The following NEGR1 variants were observed in gnomAD, a reference collection of about 807,000 sequenced individuals.
NEGR1 encodes the protein IgLON family member 4.
Under a neutral mutation model 40.9 loss-of-function variants are expected in NEGR1, and 10 were observed. That is an observed-to-expected ratio of 0.24 (90% CI 0.15 to 0.42). The LOEUF (loss-of-function observed/expected upper bound fraction) is 0.42. Ranked by LOEUF, NEGR1 falls within the 10% of genes least tolerant of loss-of-function variation. The pLI is 1.00. For synonymous variants in NEGR1, 185 were observed against 166.8 expected, an observed-to-expected ratio of 1.11 and a Z score of -0.84; for missense variants, 352 against 438.9, an observed-to-expected ratio of 0.80 and a Z score of 1.77.
intron 1 of NEGR1, among the ~76,000 whole-genome samples, chr1:72,096,823 G>A (rs1034085970): frequency 6.6e-6 from 1 of 151,832 alleles, no homozygotes; most frequent in African/African-American, 2.4e-5. Flanking sequence ...ACAACGCCCG[G>A]CTATTTTTTT....
chr1:71,928,444 A>ATATATGTG lies in NEGR1; in HGVS notation c.409+6634_409+6635insCACATATA, dbSNP rs1557439337. Among the ~76,000 whole-genome samples the ATATATGTG allele has an allele frequency of 4.7e-4, 41 of 87,730 alleles. 1 individual carries two copies. The highest frequency in any genetic ancestry group is 1.4e-3 in the African/African-American group (36 of 25,014). The allele number at this position is 87,730 out of a possible 152,430, so 57.6% of individuals were successfully genotyped here. A position where few individuals can be genotyped will look rare whatever the true frequency, so the allele number is the denominator to read the frequency against. On this transcript the variant is annotated intron_variant, in intron 2 of 6. Coordinates refer to ENST00000357731, the MANE Select transcript of NEGR1 (RefSeq NM_173808.3). ...CACACATATGTATATATACACATAT[A>ATATATGTG]TATGTATATATACACACATACTTAT...
At chr1:71,655,016 T>C (rs1242140650) in intron 4 of NEGR1, among the ~76,000 whole-genome samples, 2 of 152,142 alleles carry the variant, frequency 1.3e-5, no homozygotes, top group Non-Finnish European at 1.5e-5. Flanking sequence ...TGTTTGTCAG[T>C]TGAAATTTCA....
At chr1:71,678,477 T>A (rs930687211) in intron 4 of NEGR1, among the ~76,000 whole-genome samples, 2 of 152,186 alleles carry the variant, frequency 1.3e-5, no homozygotes, top group Non-Finnish European at 1.5e-5. Flanking sequence ...AATGCTCACA[T>A]GTGGACACTC....
rs186854150 is a variant in NEGR1 at position 71,742,505 on chromosome 1, C to A, written c.535+33667G>T. Among the ~76,000 whole-genome samples the A allele has an allele frequency of 1.4e-4, 22 of 152,248 alleles. No homozygotes were observed. The East Asian group carries it at 4.3e-3, about 30-fold the overall frequency. On this transcript the variant is annotated intron_variant, in intron 3 of 6. Coordinates refer to ENST00000357731, the MANE Select transcript of NEGR1 (RefSeq NM_173808.3). ...TGAGCTAAAGCAGGCTATTCTTAAG[C>A]CTTATATCTCATGAAGTTTACATGC...
In NEGR1 at chr1:71,399,826, C is replaced by T. The variant is rs984219052; in HGVS notation, c.*7620G>A. 1.3e-5 allele frequency: 2 copies of T among 152,172 alleles called. No individual in the cohort carries two copies. The highest frequency in any genetic ancestry group is 2.9e-5 in the Non-Finnish European group (2 of 68,030). The allele number at this position is 152,172 out of a possible 1,614,324, so 9.4% of individuals were successfully genotyped here. A position where few individuals can be genotyped will look rare whatever the true frequency, so the allele number is the denominator to read the frequency against. ...ACCACAATCCACACTTATGAAACTACTTAGAAAACTATGGAAGAGTTCTGT... is the reference window on the plus strand; with the variant it reads ...ACCACAATCCACACTTATGAAACTATTTAGAAAACTATGGAAGAGTTCTGT... On this transcript the variant is annotated 3_prime_UTR_variant, in exon 7 of 7. Transcript: ENST00000357731.
intron 4 of NEGR1, among the ~76,000 whole-genome samples, chr1:71,691,011 G>A (rs552387205): frequency 2.9e-4 from 44 of 151,960 alleles, no homozygotes; most frequent in African/African-American, 1.0e-3. Context: ...TTGATGTTCC[G>A]TAAACAAAAG....
At chr1:71,901,674 T>TC (rs1661147296) in intron 2 of NEGR1, among the ~76,000 whole-genome samples, 1 of 146,858 alleles carries the variant, frequency 6.8e-6, no homozygotes, top group Non-Finnish European at 1.5e-5. Flanking sequence ...AAATTTTTTT[T>TC]TTTTTTTTTT....
At chr1:72,216,829 T>C (rs1366761028) in intron 1 of NEGR1, among the ~76,000 whole-genome samples, 3 of 151,604 alleles carry the variant, frequency 2.0e-5, no homozygotes, top group African/African-American at 7.2e-5. Flanking sequence ...ATTATGATGA[T>C]GATTATAGAA....
rs139488730 is a variant in NEGR1, at chr1:71,520,510, G to A, written c.940+72307C>T. Among the ~76,000 whole-genome samples the A allele has an allele frequency of 1.4e-4, 21 of 152,146 alleles. No individual in the cohort carries two copies. The East Asian group carries it at 3.9e-3, about 28-fold the overall frequency. ...TGGTTTTGTCTCAATGATTCCCACT[G>A]GCAGGTTATGGACTAATATATACAT... On this transcript the variant is annotated intron_variant, in intron 6 of 6. Coordinates refer to ENST00000357731, the MANE Select transcript of NEGR1 (RefSeq NM_173808.3).
At chr1:72,203,841 C>T (rs1169062455) in intron 1 of NEGR1, among the ~76,000 whole-genome samples, 2 of 152,036 alleles carry the variant, frequency 1.3e-5, no homozygotes, top group South Asian at 2.1e-4. Context: ...AACAGAAAAA[C>T]GATTATGACT....
chr1:72,189,722 C>G (rs533014052), intron 1 of NEGR1, among the ~76,000 whole-genome samples: 4 of 151,500 alleles, frequency 2.6e-5, no homozygotes, highest in Non-Finnish European at 5.9e-5. Context: ...AGAGATATTT[C>G]TGTTTTATAC....
At chr1:71,849,637 A>G (rs1303584212) in intron 2 of NEGR1, among the ~76,000 whole-genome samples, 1 of 152,156 alleles carries the variant, frequency 6.6e-6, no homozygotes, top group Non-Finnish European at 1.5e-5. Context: ...ATTGAATACT[A>G]TAGAGAAATA....
At chr1:71,801,286 G>C (rs1657546376) in intron 2 of NEGR1, among the ~76,000 whole-genome samples, 1 of 151,964 alleles carries the variant, frequency 6.6e-6, no homozygotes, top group Non-Finnish European at 1.5e-5. Flanking sequence ...TAGATTGTTG[G>C]ACCTCCTTTT....
At chr1:71,580,688 G>A (rs756674107) in intron 6 of NEGR1, among the ~76,000 whole-genome samples, 4 of 152,212 alleles carry the variant, frequency 2.6e-5, no homozygotes, top group Non-Finnish European at 4.4e-5. Flanking sequence ...AGGCCATAAT[G>A]TATAAATCCC....
At chr1:72,253,062 G>A (rs1294793886) in intron 1 of NEGR1, among the ~76,000 whole-genome samples, 1 of 152,134 alleles carries the variant, frequency 6.6e-6, no homozygotes, top group Non-Finnish European at 1.5e-5. Context: ...CTTTAGTTGG[G>A]TGCATTGGCT....
intron 2 of NEGR1, among the ~76,000 whole-genome samples, chr1:71,919,479 A>T (rs1645679386): frequency 6.6e-6 from 1 of 151,786 alleles, no homozygotes; most frequent in African/African-American, 2.4e-5. Context: ...TGTCTTTCTA[A>T]TACAAACTAT....
chr1:71,803,791 G>C (rs889854274), intron 2 of NEGR1, among the ~76,000 whole-genome samples: 1 of 151,992 alleles, frequency 6.6e-6, no homozygotes, highest in Non-Finnish European at 1.5e-5. Flanking sequence ...TATATGTTTT[G>C]TTTCTTGTCC....
intron 1 of NEGR1, among the ~76,000 whole-genome samples, chr1:72,245,133 A>G (rs886635556): frequency 8.6e-5 from 13 of 152,018 alleles, no homozygotes; most frequent in African/African-American, 2.9e-4. Context: ...TTTCCATGAA[A>G]TTGTCAGAGA....
intron 3 of NEGR1, among the ~76,000 whole-genome samples, chr1:71,737,335 G>A (rs1655070111): frequency 6.6e-6 from 1 of 150,672 alleles, no homozygotes; most frequent in South Asian, 2.1e-4. Context: ...GGACAGAGGT[G>A]AGAAAACAGC....
Sources: allele counts gnomAD v4.1 joint callset (sites outside exome capture counted in the v4.1 genomes callset), GRCh38; gene constraint gnomAD v4.1.1; transcripts MANE v1.5; gene names NCBI Gene and HGNC (gene_info 2026-07-23, HGNC 2026-07-21).